The following ELP4 variants were observed in gnomAD, a reference collection of about 807,000 sequenced individuals.
The protein encoded by ELP4 is elongator complex protein 4.
In ELP4, 51 loss-of-function variants were observed where a neutral mutation model predicts 48.9. That is an observed-to-expected ratio of 1.04 (90% CI 0.83 to 1.32). The LOEUF (loss-of-function observed/expected upper bound fraction) is 1.32. ELP4 is among the 40% of genes most tolerant of loss of function. The probability of loss-of-function intolerance (pLI) is 0.00; values close to 1 mark genes in which losing one functional copy is unlikely to be tolerated. For missense variants in ELP4, 519 were observed against 514.6 expected, an observed-to-expected ratio of 1.01 and a Z score of -0.08; for synonymous variants, 210 against 189.2, an observed-to-expected ratio of 1.11 and a Z score of -0.90.
At position 31,745,427 on chromosome 11, in the gene ELP4, C is replaced by T. The variant is rs192275460; in HGVS notation, c.1144-37966C>T. Among the ~76,000 whole-genome samples the T allele has an allele frequency of 2.1e-3, 323 of 152,152 alleles. 1 individual carries two copies. The highest frequency in any genetic ancestry group is 7.3e-3 in the African/African-American group (302 of 41,524). ...TGTGGAACCAAAAAAGAGCCCACTT[C>T]GCCAAGTCAATCCTAAGCCAAAAGA... On this transcript the variant is annotated intron_variant, in intron 9 of 9. Coordinates refer to ENST00000640961, the MANE Select transcript of ELP4 (RefSeq NM_019040.5).
intron 5 of ELP4, among the ~76,000 whole-genome samples, chr11:31,613,046 G>A (rs1958011154): frequency 6.6e-6 from 1 of 152,160 alleles, no homozygotes; most frequent in South Asian, 2.1e-4. Context: ...TGCTTTGGAG[G>A]GTGGTGGGCA....
At chr11:31,730,948 G>C (rs1947172347) in intron 9 of ELP4, among the ~76,000 whole-genome samples, 1 of 151,710 alleles carries the variant, frequency 6.6e-6, no homozygotes, top group Non-Finnish European at 1.5e-5. Flanking sequence ...GAATCAGAGG[G>C]AGCAAGAGAT....
chr11:31,732,743 A>C (rs1947218857), intron 9 of ELP4, among the ~76,000 whole-genome samples: 1 of 152,222 alleles, frequency 6.6e-6, no homozygotes, highest in Admixed American at 6.5e-5. Context: ...AATGGAAACC[A>C]AAATAGAGTA....
chr11:31,549,794 A>C (rs1234862964), intron 3 of ELP4, among the ~76,000 whole-genome samples: 1 of 152,266 alleles, frequency 6.6e-6, no homozygotes, highest in Non-Finnish European at 1.5e-5. Context: ...ACACCATGGA[A>C]TACTATGCAG....
At chr11:31,702,711 G>A (rs1946551973) in intron 9 of ELP4, among the ~76,000 whole-genome samples, 1 of 152,038 alleles carries the variant, frequency 6.6e-6, no homozygotes, top group South Asian at 2.1e-4. Context: ...GTTTTACTGT[G>A]TTAGGTGTAC....
At chr11:31,776,108 G>A (rs998175969) in intron 9 of ELP4, among the ~76,000 whole-genome samples, 5 of 142,272 alleles carry the variant, frequency 3.5e-5, no homozygotes, top group African/African-American at 7.8e-5. Context: ...CTGTGATTGC[G>A]CCAGTGTACA....
chr11:31,622,752 A>T (rs1239799509), intron 5 of ELP4, among the ~76,000 whole-genome samples: 1 of 151,574 alleles, frequency 6.6e-6, no homozygotes, highest in Non-Finnish European at 1.5e-5. Flanking sequence ...AAAATATGAA[A>T]CTTGGTCGTC....
chr11:31,727,438 A>G (rs941995719), intron 9 of ELP4, among the ~76,000 whole-genome samples: 1 of 152,180 alleles, frequency 6.6e-6, no homozygotes, highest in Admixed American at 6.5e-5. Context: ...AGAATAGAAG[A>G]TAAGGTTACC....
intron 9 of ELP4, among the ~76,000 whole-genome samples, chr11:31,685,691 G>C (rs1946145285): frequency 6.6e-6 from 1 of 152,086 alleles, no homozygotes; most frequent in Non-Finnish European, 1.5e-5. Flanking sequence ...CCAGCACTTT[G>C]GGAGGCCAGG....
intron 9 of ELP4, among the ~76,000 whole-genome samples, chr11:31,764,726 C>A (rs1166571745): frequency 6.6e-6 from 1 of 152,176 alleles, no homozygotes; most frequent in African/African-American, 2.4e-5. Context: ...AAGGTGATTA[C>A]AGAGCCTGGT....
chr11:31,638,164 T>A (rs2134055438), intron 7 of ELP4, among the ~76,000 whole-genome samples: 1 of 152,030 alleles, frequency 6.6e-6, no homozygotes, highest in Non-Finnish European at 1.5e-5. Context: ...TCTGCACTTT[T>A]AAGGAATTTT....
intron 2 of ELP4, among the ~76,000 whole-genome samples, chr11:31,521,481 T>G (rs1369787079): frequency 6.6e-6 from 1 of 151,506 alleles, no homozygotes; most frequent in Non-Finnish European, 1.5e-5. Context: ...TGCTCTAAAG[T>G]TTTCTCACAT....
At chr11:31,780,741 A>G (rs1052313964) in intron 9 of ELP4, 3 of 152,234 alleles carry the variant, frequency 2.0e-5, no homozygotes, top group Non-Finnish European at 4.4e-5. Flanking sequence ...AGAAATGCTG[A>G]GCCAGTCCAC....
intron 9 of ELP4, chr11:31,763,560 T>A: frequency 6.4e-7 from 1 of 1,568,402 alleles, no homozygotes; most frequent in Non-Finnish European, 8.6e-7. Context: ...GTATGGGCTT[T>A]CCCTTTTTTC....
At chr11:31,708,616 T>C (rs1480587362) in intron 9 of ELP4, among the ~76,000 whole-genome samples, 1 of 152,106 alleles carries the variant, frequency 6.6e-6, no homozygotes, top group Non-Finnish European at 1.5e-5. Flanking sequence ...CTGGTGCTTG[T>C]TAAGCTCTGA....
intron 9 of ELP4, among the ~76,000 whole-genome samples, chr11:31,689,679 A>C (rs1456545930): frequency 1.3e-5 from 2 of 152,090 alleles, no homozygotes; most frequent in African/African-American, 4.8e-5. Flanking sequence ...GTACTGTATG[A>C]AGTAGTATGG....
At chr11:31,555,526 G>T (rs934701303) in intron 3 of ELP4, among the ~76,000 whole-genome samples, 1 of 151,652 alleles carries the variant, frequency 6.6e-6, no homozygotes, top group Admixed American at 6.6e-5. Context: ...GTGATTAGAA[G>T]AATAATATGC....
chr11:31,687,673 G>A (rs1946190068), intron 9 of ELP4: 1 of 152,134 alleles, frequency 6.6e-6, no homozygotes, highest in Non-Finnish European at 1.5e-5. Flanking sequence ...TCTTGAGAAT[G>A]AAAGAAAGGA....
intron 3 of ELP4, among the ~76,000 whole-genome samples, chr11:31,563,514 C>A (rs61878484): frequency 1.3e-5 from 2 of 151,834 alleles, no homozygotes; most frequent in Non-Finnish European, 2.9e-5. Flanking sequence ...GTAAATGTTT[C>A]TAGTGAGGAA....
Sources: allele counts gnomAD v4.1 joint callset (sites outside exome capture counted in the v4.1 genomes callset), GRCh38; gene constraint gnomAD v4.1.1; transcripts MANE v1.5; gene names NCBI Gene and HGNC (gene_info 2026-07-23, HGNC 2026-07-21).